Variants in HECW2 observed in about 807,000 individuals in gnomAD.
The protein encoded by HECW2 is HECT, C2 and WW domain containing E3 ubiquitin protein ligase 2.
A neutral mutation model predicts 175.2 loss-of-function variants in HECW2; 61 were observed. The ratio of observed to expected loss-of-function variants is 0.35; its 90% CI spans 0.28 to 0.43. HECW2 has a LOEUF of 0.43. Among genes scored for constraint, HECW2 ranks in the 20% least tolerant of loss-of-function variants. The pLI, the probability that HECW2 is intolerant of heterozygous loss-of-function variation, is 1.00. For missense variants in HECW2, 1,524 were observed against 2,000.5 expected (o/e 0.76, Z 4.54); for synonymous variants, 671 against 731.0 (o/e 0.92, Z 1.32).
intron 2 of HECW2, among the ~76,000 whole-genome samples, chr2:196,416,456 A>C (rs1473607844): frequency 1.3e-5 from 2 of 152,246 alleles, no homozygotes; most frequent in African/African-American, 4.8e-5. Context: ...CTATTAAAAA[A>C]CTAGCAAAAA....
intron 1 of HECW2, among the ~76,000 whole-genome samples, chr2:196,585,239 C>A (rs1215386967): frequency 2.6e-5 from 4 of 152,164 alleles, no homozygotes; most frequent in Non-Finnish European, 5.9e-5. Flanking sequence ...CCATTAGATT[C>A]TGTCTTATCT....
chr2:196,378,840 C>T (rs982977763), intron 2 of HECW2, among the ~76,000 whole-genome samples: 4 of 152,062 alleles, frequency 2.6e-5, no homozygotes, highest in Non-Finnish European at 4.4e-5. Context: ...AACATTCTAA[C>T]GAAGACATTA....
intron 19 of HECW2, chr2:196,242,458 C>T: frequency 2.2e-6 from 1 of 455,098 alleles, no homozygotes; most frequent in East Asian, 3.9e-5. Flanking sequence ...ATGTGTTTCT[C>T]AAGTATGTTC....
chr2:196,305,501 G>C (rs1338785033), intron 13 of HECW2, among the ~76,000 whole-genome samples: 1 of 152,124 alleles, frequency 6.6e-6, no homozygotes, highest in African/African-American at 2.4e-5. Flanking sequence ...ATAGGACTAT[G>C]TTGACTTTTA....
At position 196,271,219 on chromosome 2, in the gene HECW2, A is replaced by G; in HGVS notation, c.3309T>C (p.Pro1103=). ...TGAGTGAGTGATTCCTGGTAAGATC[A>G]GGTTGACGCTCCTGTAGAATTTCAA... ...NIFEILQERQ[P]DLTRNHSLRE... is the part of the protein sequence containing the mutation. The change falls in exon 17 of 29, where the codon CCT becomes CCC. Residue 1103 remains proline, a synonymous_variant. Coordinates refer to ENST00000644978, the MANE Select transcript of HECW2 (RefSeq NM_001348768.2). The G allele has an allele frequency of 6.2e-7, 1 of 1,608,202 alleles. No homozygotes were observed. The highest frequency in any genetic ancestry group is 8.5e-7 in the Non-Finnish European group (1 of 1,174,638).
At chr2:196,328,958 T>C (rs533541880) in intron 5 of HECW2, among the ~76,000 whole-genome samples, 8 of 152,258 alleles carry the variant, frequency 5.3e-5, no homozygotes, top group Admixed American at 2.6e-4. Flanking sequence ...AAATTGATGC[T>C]TTACCCAAAA....
At chr2:196,273,935 TA>T in intron 16 of HECW2, 85 bp downstream of exon 16, 1 of 938,606 alleles carries the variant, frequency 1.1e-6, no homozygotes, top group Non-Finnish European at 1.7e-6. Flanking sequence ...AGTAGCAGGC[TA>T]ACAACAGGGG....
chr2:196,309,314 G>T (rs1691391756), intron 10 of HECW2, among the ~76,000 whole-genome samples: 1 of 152,152 alleles, frequency 6.6e-6, no homozygotes, highest in Admixed American at 6.5e-5. Context: ...AATGGCAAAA[G>T]AAAGAGGAAT....
chr2:196,241,856 C>T (rs528522296), intron 20 of HECW2, among the ~76,000 whole-genome samples: 32 of 152,266 alleles, frequency 2.1e-4, no homozygotes, highest in African/African-American at 7.2e-4. Context: ...TTTATTTTTG[C>T]ATGAAAAGTG....
intron 1 of HECW2, among the ~76,000 whole-genome samples, chr2:196,511,612 C>G (rs1310495968): frequency 1.3e-5 from 2 of 152,126 alleles, no homozygotes; most frequent in Non-Finnish European, 2.9e-5. Context: ...TATATCATTA[C>G]AAATTATGAC....
chr2:196,238,452 TTTCTTTCTTTA>T (rs767488125), intron 21 of HECW2: 16 of 71,732 alleles, frequency 2.2e-4, no homozygotes, highest in African/African-American at 7.3e-4. Context: ...TCTTTCTTTC[TTTCTTTCTTTA>T]TTTTTTTTAG....
chr2:196,296,078 A>G (rs1450647775), intron 13 of HECW2, among the ~76,000 whole-genome samples: 33 of 152,200 alleles, frequency 2.2e-4, no homozygotes, highest in Non-Finnish European at 2.9e-4. Context: ...GTTTCTATAA[A>G]AAAAACTATG....
At chr2:196,280,710 T>C (rs1216399990) in intron 14 of HECW2, among the ~76,000 whole-genome samples, 1 of 152,246 alleles carries the variant, frequency 6.6e-6, no homozygotes, top group Non-Finnish European at 1.5e-5. Context: ...TGGACTTGCA[T>C]TGACAGGTTC....
intron 15 of HECW2, among the ~76,000 whole-genome samples, chr2:196,274,710 C>T (rs1689876433): frequency 6.6e-6 from 1 of 152,168 alleles, no homozygotes; most frequent in South Asian, 2.1e-4. Context: ...GCCTCCCACA[C>T]CAGGGTGCTA....
At chr2:196,324,511 G>A (rs1692072825) in intron 6 of HECW2, among the ~76,000 whole-genome samples, 2 of 152,182 alleles carry the variant, frequency 1.3e-5, no homozygotes, top group Admixed American at 6.5e-5. Context: ...GCCAAAGCCC[G>A]CAGAGAGAGA....
At chr2:196,487,220 G>A (rs963282583) in intron 1 of HECW2, among the ~76,000 whole-genome samples, 9 of 151,838 alleles carry the variant, frequency 5.9e-5, no homozygotes, top group African/African-American at 1.7e-4. Context: ...AGGCTGAGGT[G>A]GGAGGATCAC....
At chr2:196,532,343 C>G (rs935389962) in intron 1 of HECW2, among the ~76,000 whole-genome samples, 5 of 152,124 alleles carry the variant, frequency 3.3e-5, no homozygotes, top group Non-Finnish European at 5.9e-5. Flanking sequence ...ATGGATGAAG[C>G]TGGAAACCAT....
chr2:196,358,854 AG>A (rs1478962855), intron 2 of HECW2, among the ~76,000 whole-genome samples: 2 of 152,168 alleles, frequency 1.3e-5, no homozygotes, highest in Non-Finnish European at 2.9e-5. Context: ...CTTACTGTAC[AG>A]TGATTGTAAA....
intron 14 of HECW2, among the ~76,000 whole-genome samples, chr2:196,285,129 A>C (rs1344896660): frequency 6.6e-6 from 1 of 152,248 alleles, no homozygotes; most frequent in East Asian, 1.9e-4. Context: ...TAGTGAAGCC[A>C]AACAAAATAC....
Sources: gnomAD v4.1 joint callset for allele counts (sites outside exome capture counted in the v4.1 genomes callset) on GRCh38, gnomAD v4.1.1 for gene constraint, MANE v1.5 for transcripts, NCBI Gene and HGNC (gene_info 2026-07-23, HGNC 2026-07-21) for gene names.